The following RGS6 variants were observed in gnomAD, a reference collection of about 807,000 sequenced individuals.
RGS6 encodes regulator of G-protein signaling 6.
A neutral mutation model predicts 78.5 loss-of-function variants in RGS6; 30 were observed. That is an observed-to-expected ratio of 0.38 (90% confidence interval 0.29 to 0.52). The LOEUF (loss-of-function observed/expected upper bound fraction) is 0.52, where lower values mean the gene tolerates loss of function less well. Among genes scored for constraint, RGS6 ranks in the 20% least tolerant of loss-of-function variants. The pLI, the probability that RGS6 is intolerant of heterozygous loss-of-function variation, is 0.85. For missense variants in RGS6, 495 were observed against 609.7 expected, an observed-to-expected ratio of 0.81 and a Z score of 1.98; for synonymous variants, 206 against 206.0, an observed-to-expected ratio of 1.00 and a Z score of 0.00.
chr14:72,072,107 T>C (rs1307748712), intron 2 of RGS6, among the ~76,000 whole-genome samples: 1 of 152,206 alleles, frequency 6.6e-6, no homozygotes, highest in African/African-American at 2.4e-5. Flanking sequence ...CCCATTTAGT[T>C]CTCTCCACCA....
At chr14:71,872,009 G>A in the RGS6 span, among the ~76,000 whole-genome samples, 1 of 152,078 alleles carries the variant, frequency 6.6e-6, no homozygotes, top group African/African-American at 2.4e-5. Flanking sequence ...GAGATGAGAG[G>A]GAAGGTGAGG....
intron 2 of RGS6, among the ~76,000 whole-genome samples, chr14:72,282,216 T>C (rs11158953): frequency 6.6e-6 from 1 of 151,886 alleles, no homozygotes; most frequent in Non-Finnish European, 1.5e-5. Context: ...TGATGGCTGT[T>C]TGGTCCTGCG....
intron 2 of RGS6, among the ~76,000 whole-genome samples, chr14:72,170,981 C>T (rs542724322): frequency 4.6e-5 from 7 of 152,322 alleles, no homozygotes; most frequent in African/African-American, 1.7e-4. Flanking sequence ...TTAAAACCTT[C>T]ACTAGAATTT....
upstream of RGS6, among the ~76,000 whole-genome samples, chr14:71,931,088 G>T (rs537091892): frequency 2.8e-5 from 4 of 140,572 alleles, no homozygotes; most frequent in South Asian, 9.6e-4. Flanking sequence ...TTCTTTAACT[G>T]TGACAAACGG....
intron 2 of RGS6, among the ~76,000 whole-genome samples, chr14:72,192,768 A>G (rs1186285815): frequency 6.6e-6 from 1 of 152,170 alleles, no homozygotes; most frequent in Non-Finnish European, 1.5e-5. Context: ...TCACTGTCTC[A>G]GAGTTATTTT....
intron 2 of RGS6, among the ~76,000 whole-genome samples, chr14:72,260,744 C>T (rs376768124): frequency 2.3e-4 from 35 of 152,216 alleles, no homozygotes; most frequent in South Asian, 1.2e-3. Context: ...TGGAGCACAG[C>T]GATGATTTTA....
chr14:72,136,378 C>A (rs1482576618), intron 2 of RGS6, among the ~76,000 whole-genome samples: 1 of 152,086 alleles, frequency 6.6e-6, no homozygotes, highest in Non-Finnish European at 1.5e-5. Flanking sequence ...TGCTCTCATG[C>A]TGCTGAATAA....
chr14:72,518,382 C>A lies in RGS6; in HGVS notation c.1123C>A (p.Gln375Lys), dbSNP rs759068483. 62 of 1,614,078 alleles carry A rather than the reference C, an allele frequency of 3.8e-5. 2 individuals carry two copies. The South Asian group carries it at 5.4e-4, about 14-fold the overall frequency. Reference sequence around the variant, plus strand: ...GCTGGCTGTCCAAGATCTTAAGAAACAACCCCTACAGGATGTGGCCAAGAG... The same window carrying A: ...GCTGGCTGTCCAAGATCTTAAGAAAAAACCCCTACAGGATGTGGCCAAGAG... ...FWLAVQDLKK[Q>K]PLQDVAKRVE... is the part of the protein sequence containing the mutation. Residue 375 changes from glutamine (Q) to lysine (K), a missense_variant, in exon 15 of 18, where the codon CAA becomes AAA. Coordinates refer to ENST00000553525, the MANE Select transcript of RGS6 (RefSeq NM_001204424.2).
rs527826387 is a variant in RGS6 at position 72,150,359 on chromosome 14, A to G, written c.84+185484A>G. ...GACCCTGTCAACACCTTGATTCCAG[A>G]CTTCGGGCCTCTAAAACTCAGAGAG... On this transcript the variant is annotated intron_variant, in intron 2 of 17. Coordinates refer to ENST00000553525, the MANE Select transcript of RGS6 (RefSeq NM_001204424.2). 2.0e-5 allele frequency among the ~76,000 whole-genome samples: 3 copies of G among 152,154 alleles called. No individual in the cohort carries two copies. The South Asian group carries it at 6.2e-4, about 32-fold the overall frequency.
At chr14:72,023,956 G>A (rs1321374491) in intron 2 of RGS6, among the ~76,000 whole-genome samples, 2 of 152,186 alleles carry the variant, frequency 1.3e-5, no homozygotes, top group Admixed American at 6.5e-5. Context: ...GTTTCTGGGG[G>A]AGAAAGCCAT....
At chr14:71,908,806 A>G in the RGS6 span, among the ~76,000 whole-genome samples, 1 of 152,200 alleles carries the variant, frequency 6.6e-6, no homozygotes, top group Admixed American at 6.5e-5. Context: ...CTCTGGCTTA[A>G]TAAAACATGA....
chr14:71,925,047 C>G, the RGS6 span, among the ~76,000 whole-genome samples: 2 of 152,278 alleles, frequency 1.3e-5, no homozygotes, highest in African/African-American at 2.4e-5. Flanking sequence ...CAACAGTGTA[C>G]CCTTTTTTCC....
intron 2 of RGS6, among the ~76,000 whole-genome samples, chr14:72,054,337 G>T (rs2093500906): frequency 6.6e-6 from 1 of 152,054 alleles, no homozygotes; most frequent in Non-Finnish European, 1.5e-5. Flanking sequence ...GGCATCTTTG[G>T]CTGCAAAGGT....
At chr14:72,338,317 G>A (rs747238021) in intron 2 of RGS6, among the ~76,000 whole-genome samples, 2 of 152,210 alleles carry the variant, frequency 1.3e-5, no homozygotes, top group Non-Finnish European at 2.9e-5. Flanking sequence ...AAGGCGAAAG[G>A]CACATCTTAC....
the RGS6 span, among the ~76,000 whole-genome samples, chr14:71,878,266 C>T: frequency 6.6e-6 from 1 of 152,220 alleles, no homozygotes; most frequent in South Asian, 2.1e-4. Context: ...TCAGCTATGC[C>T]CTGCCACCAG....
At chr14:72,618,868 C>A in the RGS6 span, among the ~76,000 whole-genome samples, 1 of 152,208 alleles carries the variant, frequency 6.6e-6, no homozygotes, top group Non-Finnish European at 1.5e-5. Flanking sequence ...AGGATGCAGA[C>A]CCTAAGCTGG....
chr14:72,621,071 G>A, the RGS6 span, among the ~76,000 whole-genome samples: 1 of 151,762 alleles, frequency 6.6e-6, no homozygotes, highest in Non-Finnish European at 1.5e-5. Context: ...AACCCGGGAG[G>A]TGGAGGTTGC....
At chr14:72,391,595 A>G (rs2090002833) in intron 3 of RGS6, among the ~76,000 whole-genome samples, 2 of 152,200 alleles carry the variant, frequency 1.3e-5, no homozygotes. Flanking sequence ...AACATCTGTT[A>G]CATATATGTA....
intron 2 of RGS6, among the ~76,000 whole-genome samples, chr14:72,052,654 A>G (rs7158946): frequency 0.4 from 41,193 of 103,444 alleles, 5,884 homozygotes; most frequent in Admixed American, 0.45. Context: ...TTTCTTACTG[A>G]ATTTTTTAAT....
Sources: allele counts gnomAD v4.1 joint callset (sites outside exome capture counted in the v4.1 genomes callset), GRCh38; gene constraint gnomAD v4.1.1; transcripts MANE v1.5; gene names NCBI Gene and HGNC (gene_info 2026-07-23, HGNC 2026-07-21).